MYO19: variants seen among roughly 807,000 people sequenced by gnomAD.
MYO19 encodes the protein myosin XIX.
Under a neutral mutation model 129.2 loss-of-function variants are expected in MYO19, and 132 were observed. The ratio of observed to expected loss-of-function variants is 1.02; its 90% CI spans 0.89 to 1.18. MYO19 has a LOEUF of 1.18. MYO19 is among the 50% of genes most tolerant of loss of function. The probability of loss-of-function intolerance (pLI) is 0.00; values close to 1 mark genes in which losing one functional copy is unlikely to be tolerated. For synonymous variants in MYO19, 531 were observed against 477.2 expected, an observed-to-expected ratio of 1.11 and a Z score of -1.47; for missense variants, 1,210 against 1,216.7, an observed-to-expected ratio of 0.99 and a Z score of 0.08.
At chr17:36,525,796 T>C (rs1156488234) in intron 5 of MYO19, among the ~76,000 whole-genome samples, 3 of 152,246 alleles carry the variant, frequency 2.0e-5, no homozygotes, top group Non-Finnish European at 4.4e-5. Context: ...CCATGTGATT[T>C]AAATTCCAAA....
chr17:36,500,067 CGGCTGGTATGAAATTCCTG>C (rs2071401860), intron 23 of MYO19: 1 of 151,904 alleles, frequency 6.6e-6, no homozygotes, highest in Non-Finnish European at 1.5e-5. Flanking sequence ...CCATGTTGCC[CGGCTGGTATGAAATTCCTG>C]GGCTCAAGTG....
At chr17:36,527,153 T>C (rs2073519375) in intron 5 of MYO19, among the ~76,000 whole-genome samples, 1 of 151,564 alleles carries the variant, frequency 6.6e-6, no homozygotes, top group African/African-American at 2.4e-5. Context: ...GCAATAAGAC[T>C]GAAACTCCAT....
chr17:36,528,524 A>C (rs1294073603), intron 3 of MYO19, among the ~76,000 whole-genome samples: 10 of 151,394 alleles, frequency 6.6e-5, no homozygotes, highest in Non-Finnish European at 1.5e-4. Context: ...AAAAAAAAAA[A>C]CCAAAAAACA....
chr17:36,540,699 G>A (rs985851077), intron 2 of MYO19, among the ~76,000 whole-genome samples: 1 of 152,078 alleles, frequency 6.6e-6, no homozygotes, highest in East Asian at 1.9e-4. Flanking sequence ...AGATAAAACA[G>A]AACTTCCCAG....
At chr17:36,504,931 GA>G (rs1374525668) in intron 19 of MYO19, 2 of 225,368 alleles carry the variant, frequency 8.9e-6, no homozygotes, top group South Asian at 5.1e-5. Flanking sequence ...AAAAAAAAAA[GA>G]AAAAAATGAT....
At chr17:36,530,582 G>A (rs2142449384) in intron 3 of MYO19, among the ~76,000 whole-genome samples, 1 of 144,566 alleles carries the variant, frequency 6.9e-6, no homozygotes, top group African/African-American at 2.6e-5. Flanking sequence ...TCAGCCTCCT[G>A]TGTAGCTGGG....
At position 36,499,053 on chromosome 17, in the gene MYO19, C is replaced by T. The variant is rs369762684; in HGVS notation, c.2463+22G>A. The T allele has an allele frequency of 1.2e-5, 19 of 1,583,622 alleles. No individual in the cohort carries two copies. The African/African-American group carries it at 1.5e-4, about 12-fold the overall frequency. On this transcript the variant is annotated intron_variant, in intron 24 of 25. Transcript: ENST00000614623. Reference sequence around the variant, plus strand: ...CCCAAAATTGATCCACTGCCCACCCCGACTTCTTGGGTCTTACTTACTCTC... The same window carrying T: ...CCCAAAATTGATCCACTGCCCACCCTGACTTCTTGGGTCTTACTTACTCTC...
upstream of MYO19, among the ~76,000 whole-genome samples, chr17:36,536,622 C>T (rs1247383891): frequency 6.9e-6 from 1 of 144,614 alleles, no homozygotes; most frequent in Non-Finnish European, 1.5e-5. Context: ...TCAACCGATT[C>T]TCCTGCCTCA....
upstream of MYO19, chr17:36,538,492 T>G: frequency 6.2e-7 from 1 of 1,613,954 alleles, no homozygotes; most frequent in Non-Finnish European, 8.5e-7. Context: ...CTGATCAACC[T>G]GATGGTAGAT....
At chr17:36,506,406 G>A (rs762168005) in intron 18 of MYO19, 50 bp downstream of exon 18, 2 of 1,603,566 alleles carry the variant, frequency 1.2e-6, no homozygotes, top group East Asian at 2.3e-5. Flanking sequence ...AAATATTTGT[G>A]AGACCGTGGA....
At position 36,496,327 on chromosome 17, in the gene MYO19, G is replaced by A; in HGVS notation, c.2837C>T (p.Thr946Ile). The A allele has an allele frequency of 9.3e-6, 15 of 1,614,006 alleles. No individual in the cohort carries two copies. Among genetic ancestry groups the A allele is most frequent in the Non-Finnish European group, 1.2e-5 (14 of 1,179,880 alleles). Residue 946 changes from threonine (T) to isoleucine (I), a missense_variant, in exon 26 of 26, where the codon ACA becomes ATA. Transcript: ENST00000614623. ...ICPEPSPYSITGFNQILLERH... is the reference protein window; with the variant it reads ...ICPEPSPYSIIGFNQILLERH... ...TTCCAGCAGAATCTGATTAAAGCCT[G>A]TAATGCTGTAGGGTGAAGGTTCAGG... is the stretch of plus-strand genomic sequence containing the variant.
chr17:36,512,668 C>A (rs1466629228), intron 11 of MYO19: 1 of 1,289,128 alleles, frequency 7.8e-7, no homozygotes, highest in South Asian at 1.2e-5. Flanking sequence ...CTGGCAGTGT[C>A]TGAGCAGCCC....
chr17:36,513,058 T>C (rs1230196505), intron 11 of MYO19: 2 of 1,211,012 alleles, frequency 1.7e-6, no homozygotes, highest in East Asian at 4.0e-5. Flanking sequence ...CACAGAGGAC[T>C]GTTTAAAAAA....
chr17:36,538,938 G>C (rs1382186863), upstream of MYO19: 1 of 204,600 alleles, frequency 4.9e-6, no homozygotes, highest in Non-Finnish European at 1.1e-5. Context: ...ATTTTTAGTA[G>C]AGATGGGGTT....
chr17:36,509,328 C>T (rs2072154539), intron 13 of MYO19, 193 bp from the exon 14 acceptor site: 3 of 609,982 alleles, frequency 4.9e-6, no homozygotes, highest in Non-Finnish European at 8.8e-6. Flanking sequence ...AGGCTATGGG[C>T]ATGCATGTTG....
chr17:36,535,545 T>C (rs2074089377), upstream of MYO19: 1 of 152,372 alleles, frequency 6.6e-6, no homozygotes, highest in Middle Eastern at 3.4e-3. Context: ...GCAGTCCGGC[T>C]GCCCTTCCCA....
intron 11 of MYO19, chr17:36,513,087 G>A (rs2072477967): frequency 2.3e-6 from 3 of 1,313,426 alleles, no homozygotes; most frequent in Middle Eastern, 2.9e-4. Context: ...GCAGAGAAGT[G>A]TGAACATGAC....
At chr17:36,512,572 C>T (rs2072434668) in intron 11 of MYO19, 2 of 1,230,178 alleles carry the variant, frequency 1.6e-6, no homozygotes, top group African/African-American at 1.5e-5. Flanking sequence ...TCATGCCCAC[C>T]CCCAAAGCAC....
At chr17:36,537,584 C>T, upstream of MYO19, 1 of 1,613,996 alleles carries the variant, frequency 6.2e-7, no homozygotes, top group Non-Finnish European at 8.5e-7. Flanking sequence ...AAACTGAGCT[C>T]TATGGGACAG....
Sources: allele counts gnomAD v4.1 joint callset (sites outside exome capture counted in the v4.1 genomes callset), GRCh38; gene constraint gnomAD v4.1.1; transcripts MANE v1.5; gene names NCBI Gene and HGNC (gene_info 2026-07-23, HGNC 2026-07-21).